Variants in NEGR1 observed in about 807,000 individuals in gnomAD.
NEGR1 encodes IgLON family member 4.
A neutral mutation model predicts 40.9 loss-of-function variants in NEGR1; 10 were observed. The ratio of observed to expected loss-of-function variants is 0.24; its 90% CI spans 0.15 to 0.42. NEGR1 has a LOEUF of 0.42. Among genes scored for constraint, NEGR1 ranks in the 10% least tolerant of loss-of-function variants. The pLI is 1.00. For synonymous variants in NEGR1, 185 were observed against 166.8 expected (o/e 1.11, Z -0.84); for missense variants, 352 against 438.9 (o/e 0.80, Z 1.77).
At chr1:71,487,029 A>T (rs375751845) in intron 6 of NEGR1, 8 of 151,608 alleles carry the variant, frequency 5.3e-5, no homozygotes, top group African/African-American at 1.9e-4. Flanking sequence ...TCTATTCCAT[A>T]TAGAGACATA....
At chr1:71,675,879 G>T (rs1187950583) in intron 4 of NEGR1, among the ~76,000 whole-genome samples, 1 of 151,786 alleles carries the variant, frequency 6.6e-6, no homozygotes, top group Non-Finnish European at 1.5e-5. Context: ...ATAGCTCACT[G>T]CTGCCTCTGA....
At chr1:71,814,579 G>A (rs1192808479) in intron 2 of NEGR1, among the ~76,000 whole-genome samples, 2 of 151,896 alleles carry the variant, frequency 1.3e-5, no homozygotes, top group Non-Finnish European at 2.9e-5. Context: ...ATTACTGTCT[G>A]AATTTCAGAA....
chr1:72,262,845 A>T (rs1655504626), intron 1 of NEGR1, among the ~76,000 whole-genome samples: 2 of 151,952 alleles, frequency 1.3e-5, no homozygotes, highest in Non-Finnish European at 2.9e-5. Flanking sequence ...ACCAAAAAGT[A>T]ATTTATTATG....
At chr1:71,881,416 A>G (rs1660580510) in intron 2 of NEGR1, among the ~76,000 whole-genome samples, 1 of 152,084 alleles carries the variant, frequency 6.6e-6, no homozygotes, top group African/African-American at 2.4e-5. Context: ...CTGAAATCTC[A>G]GTTTAAAATA....
intron 3 of NEGR1, among the ~76,000 whole-genome samples, chr1:71,732,773 C>G (rs1395812288): frequency 6.6e-6 from 1 of 152,034 alleles, no homozygotes; most frequent in Non-Finnish European, 1.5e-5. Context: ...CTAAGAAATA[C>G]AGAGCAAATC....
intron 6 of NEGR1, among the ~76,000 whole-genome samples, chr1:71,588,829 G>A (rs1467163409): frequency 6.6e-6 from 1 of 152,124 alleles, no homozygotes; most frequent in Non-Finnish European, 1.5e-5. Context: ...GTTCACTATA[G>A]TATAGTTCAT....
intron 2 of NEGR1, among the ~76,000 whole-genome samples, chr1:71,902,267 G>A (rs1661163562): frequency 6.6e-6 from 1 of 152,102 alleles, no homozygotes; most frequent in Non-Finnish European, 1.5e-5. Flanking sequence ...CGCAGTATGT[G>A]GTTAGTGTGC....
chr1:71,737,164 G>T (rs1467396040), intron 3 of NEGR1, among the ~76,000 whole-genome samples: 2 of 152,094 alleles, frequency 1.3e-5, no homozygotes, highest in Admixed American at 1.3e-4. Context: ...AAATCCTTTT[G>T]ATTTTTCAAC....
intron 4 of NEGR1, among the ~76,000 whole-genome samples, chr1:71,627,415 A>G (rs1301866066): frequency 6.6e-6 from 1 of 152,084 alleles, no homozygotes; most frequent in Non-Finnish European, 1.5e-5. Flanking sequence ...AAATTCAAGT[A>G]GCATTTGTCT....
At chr1:72,030,648 A>T (rs1646849666) in intron 1 of NEGR1, among the ~76,000 whole-genome samples, 1 of 152,122 alleles carries the variant, frequency 6.6e-6, no homozygotes, top group Non-Finnish European at 1.5e-5. Flanking sequence ...ACTAAAAAGA[A>T]CTTCATTTCA....
At chr1:71,455,919 A>G (rs1646669323) in intron 6 of NEGR1, among the ~76,000 whole-genome samples, 1 of 152,218 alleles carries the variant, frequency 6.6e-6, no homozygotes, top group Non-Finnish European at 1.5e-5. Flanking sequence ...GTTTCACTGC[A>G]ATATCATGTG....
chr1:71,492,079 C>T (rs1385852800), intron 6 of NEGR1, among the ~76,000 whole-genome samples: 2 of 152,066 alleles, frequency 1.3e-5, no homozygotes, highest in Non-Finnish European at 2.9e-5. Flanking sequence ...GAAGCCCCTA[C>T]CAGAAACTGA....
At chr1:71,911,462 A>G (rs1661418902) in intron 2 of NEGR1, among the ~76,000 whole-genome samples, 1 of 152,172 alleles carries the variant, frequency 6.6e-6, no homozygotes, top group African/African-American at 2.4e-5. Context: ...TAATATACCT[A>G]TTCTTCGGTC....
intron 2 of NEGR1, among the ~76,000 whole-genome samples, chr1:71,859,626 A>C: frequency 6.6e-6 from 1 of 152,184 alleles, no homozygotes; most frequent in Non-Finnish European, 1.5e-5. Context: ...AAAAGCAAGC[A>C]GTAGGGTAGA....
intron 1 of NEGR1, among the ~76,000 whole-genome samples, chr1:72,222,080 C>A (rs545376389): frequency 4.4e-4 from 67 of 152,108 alleles, no homozygotes; most frequent in Non-Finnish European, 7.9e-4. Context: ...ACAGGCTGGC[C>A]CCTGTAGACA....
chr1:71,800,065 T>C (rs762813880), intron 2 of NEGR1, among the ~76,000 whole-genome samples: 4 of 152,168 alleles, frequency 2.6e-5, no homozygotes, highest in South Asian at 2.1e-4. Flanking sequence ...TGGTACCCCA[T>C]TGTGGTTTTG....
At chr1:71,985,129 A>G (rs1035196326) in intron 1 of NEGR1, among the ~76,000 whole-genome samples, 1 of 152,178 alleles carries the variant, frequency 6.6e-6, no homozygotes, top group African/African-American at 2.4e-5. Flanking sequence ...ATCACACTAC[A>G]TTAATCTCTG....
chr1:71,629,255 G>T (rs1372844443), intron 4 of NEGR1, among the ~76,000 whole-genome samples: 1 of 151,190 alleles, frequency 6.6e-6, no homozygotes, highest in East Asian at 1.9e-4. Flanking sequence ...TTTTTGATGG[G>T]GTTGTTAAAA....
At position 71,847,299 on chromosome 1, in the gene NEGR1, G is replaced by T. The variant is rs978231307; in HGVS notation, c.410-71002C>A. ...TGTGTACAACATAATGTTTTGAAAT[G>T]CAGGCACACCTCATTTTATTATCTT... On this transcript the variant is annotated intron_variant, in intron 2 of 6. Coordinates refer to ENST00000357731, the MANE Select transcript of NEGR1 (RefSeq NM_173808.3). 2.0e-5 allele frequency among the ~76,000 whole-genome samples: 3 copies of T among 152,174 alleles called. No individual in the cohort carries two copies. In the South Asian group the frequency reaches 6.2e-4, roughly 32 times the overall value.
Sources: gnomAD v4.1 joint callset for allele counts (sites outside exome capture counted in the v4.1 genomes callset) on GRCh38, gnomAD v4.1.1 for gene constraint, MANE v1.5 for transcripts, NCBI Gene and HGNC (gene_info 2026-07-23, HGNC 2026-07-21) for gene names.